SSU72: variants seen among roughly 807,000 people sequenced by gnomAD.
SSU72 encodes the protein SSU72 homolog, RNA polymerase II CTD phosphatase.
In SSU72, 12 loss-of-function variants were observed where a neutral mutation model predicts 22.7. That is an observed-to-expected ratio of 0.53 (90% confidence interval 0.34 to 0.86). SSU72 has a LOEUF of 0.86. Ranked by LOEUF, SSU72 falls within the 40% of genes least tolerant of loss-of-function variation. SSU72 has a pLI of 0.02. For missense variants in SSU72, 151 were observed against 249.8 expected (o/e 0.60, Z 2.67); for synonymous variants, 116 against 98.3 (o/e 1.18, Z -1.06).
chr1:1,549,082 C>G (rs77658544), intron 2 of SSU72, among the ~76,000 whole-genome samples: 7,804 of 152,224 alleles, frequency 0.051, 370 homozygotes, highest in Admixed American at 0.17. Context: ...CCAGAGAGAT[C>G]TGGAATATTG....
At chr1:1,551,603 C>T (rs1392434643) in intron 2 of SSU72, among the ~76,000 whole-genome samples, 6 of 152,254 alleles carry the variant, frequency 3.9e-5, no homozygotes, top group Non-Finnish European at 7.3e-5. Flanking sequence ...GGAGGCCTGA[C>T]AGCTGCTGCA....
At position 1,574,559 on chromosome 1, in the gene SSU72, G is replaced by C. The variant is rs1002535101; in HGVS notation, c.-2C>G. ...CACCCGCAGCGGGGACGACGGCATG[G>C]CGGCGGCCGCAAATCCCGCGGCTCT... On this transcript the variant is annotated 5_prime_UTR_variant, in exon 1 of 5. Coordinates refer to ENST00000291386, the MANE Select transcript of SSU72 (RefSeq NM_014188.3). 4.4e-6 allele frequency: 7 copies of C among 1,584,774 alleles called. No individual in the cohort carries two copies. The African/African-American group carries it at 9.8e-5, about 22-fold the overall frequency.
chr1:1,555,312 T>TCGG (rs1642509229), intron 2 of SSU72, among the ~76,000 whole-genome samples: 1 of 152,178 alleles, frequency 6.6e-6, no homozygotes, highest in South Asian at 2.1e-4. Context: ...TGAGACAGCC[T>TCGG]CGGCGGCGCT....
intron 2 of SSU72, among the ~76,000 whole-genome samples, chr1:1,558,752 G>C (rs10158997): frequency 6.6e-5 from 10 of 152,108 alleles, no homozygotes; most frequent in Non-Finnish European, 1.2e-4. Context: ...GCCGGTGTCT[G>C]CCACCCCAGC....
rs556231921 is a variant in SSU72, at chr1:1,566,020, G to A, written c.81-1104C>T. On this transcript the variant is annotated intron_variant, in intron 1 of 4. Transcript: ENST00000291386. The stretch of plus-strand genomic sequence containing the variant: ...ACCTTCAATCCAGGCACTTTGGGAG[G>A]CCGAGACAAATGGATCACCTGAGGC... Among the ~76,000 whole-genome samples, 5 of 152,196 alleles carry A rather than the reference G, an allele frequency of 3.3e-5. No homozygotes were observed. The East Asian group carries it at 7.7e-4, about 24-fold the overall frequency.
intron 2 of SSU72, among the ~76,000 whole-genome samples, chr1:1,555,166 G>C (rs1372288395): frequency 1.3e-5 from 2 of 152,144 alleles, no homozygotes; most frequent in Non-Finnish European, 2.9e-5. Context: ...CACACACACA[G>C]AAGACTCCCC....
chr1:1,574,584 TC>T lies in SSU72; in HGVS notation c.-28del. The T allele has an allele frequency of 6.3e-7, 1 of 1,576,116 alleles. No individual in the cohort carries two copies. ...GCGGCGGCCGCAAATCCCGCGGCTC[TC>T]CCGCTTGGGTTCCCACCCTACCGCG... is the stretch of plus-strand genomic sequence containing the variant. On this transcript the variant is annotated 5_prime_UTR_variant, in exon 1 of 5. Transcript: ENST00000291386.
At chr1:1,567,719 A>C (rs7364711) in intron 1 of SSU72, among the ~76,000 whole-genome samples, 77,899 of 151,334 alleles carry the variant, frequency 0.51, 24,318 homozygotes, top group East Asian at 0.87. Context: ...GAGTTCGACA[A>C]CAGCCTGGCC....
chr1:1,544,151 G>A (rs1321370183), intron 3 of SSU72, among the ~76,000 whole-genome samples, 164 bp from the exon 4 acceptor site: 1 of 152,192 alleles, frequency 6.6e-6, no homozygotes, highest in African/African-American at 2.4e-5. Context: ...CAAACCGAAG[G>A]CGGCTGATGG....
intron 1 of SSU72, among the ~76,000 whole-genome samples, chr1:1,565,745 T>C (rs1642653944): frequency 3.5e-5 from 2 of 57,968 alleles, no homozygotes; most frequent in South Asian, 2.0e-3. Context: ...TTGGACTTCC[T>C]AGTCACAGGT....
chr1:1,573,455 AAG>A (rs1256636626), intron 1 of SSU72, among the ~76,000 whole-genome samples: 2 of 139,248 alleles, frequency 1.4e-5, no homozygotes, highest in Admixed American at 7.2e-5. Context: ...AAAAAAAAAA[AAG>A]AAAGAAAAGA....
chr1:1,551,091 A>C (rs1026273311), intron 2 of SSU72, among the ~76,000 whole-genome samples: 7 of 152,074 alleles, frequency 4.6e-5, no homozygotes, highest in African/African-American at 1.7e-4. Flanking sequence ...GGGACCTTCC[A>C]TGTGGGTTAA....
intron 2 of SSU72, among the ~76,000 whole-genome samples, chr1:1,553,912 G>C (rs752427909): frequency 2.0e-5 from 3 of 152,176 alleles, no homozygotes; most frequent in African/African-American, 7.2e-5. Context: ...GAAAAAAACG[G>C]AGGATAAAGA....
intron 1 of SSU72, among the ~76,000 whole-genome samples, chr1:1,567,035 G>A (rs1041897369): frequency 1.3e-5 from 2 of 152,134 alleles, no homozygotes; most frequent in Non-Finnish European, 2.9e-5. Flanking sequence ...CCCGCCCTAC[G>A]GACATACACG....
intron 2 of SSU72, chr1:1,564,353 A>T (rs1384180146): frequency 9.4e-6 from 9 of 953,430 alleles, no homozygotes; most frequent in Non-Finnish European, 1.3e-5. Context: ...ACCTCACCAG[A>T]TGTGTGAAGC....
At position 1,574,733 on chromosome 1, in the gene SSU72, G is replaced by T; in HGVS notation, c.-176C>A. The T allele has an allele frequency of 2.2e-6, 1 of 458,998 alleles. No individual in the cohort carries two copies. Among genetic ancestry groups the T allele is most frequent in the Non-Finnish European group, 3.5e-6 (1 of 288,416 alleles). 28.4% of individuals were successfully genotyped at this position (458,998 alleles called of 1,614,324 possible). On this transcript the variant is annotated 5_prime_UTR_variant, in exon 1 of 5. Transcript: ENST00000291386. Reference sequence around the variant, plus strand: ...CCTCCCCGCCCACCCTGGGCGCCGGGCCGCGGACGGAGCGCAGGCACTGGC... The same window carrying T: ...CCTCCCCGCCCACCCTGGGCGCCGGTCCGCGGACGGAGCGCAGGCACTGGC...
intron 1 of SSU72, among the ~76,000 whole-genome samples, chr1:1,573,742 A>G (rs778066918): frequency 6.6e-6 from 1 of 152,210 alleles, no homozygotes; most frequent in Non-Finnish European, 1.5e-5. Context: ...CACGTAGGTA[A>G]CTTTGGAGGT....
chr1:1,568,699 C>T (rs889495329), intron 1 of SSU72, among the ~76,000 whole-genome samples: 5 of 151,704 alleles, frequency 3.3e-5, no homozygotes, highest in South Asian at 2.1e-4. Flanking sequence ...CGGAGGAGGA[C>T]GGATCACTTG....
At chr1:1,559,827 A>T (rs971071697) in intron 2 of SSU72, among the ~76,000 whole-genome samples, 1 of 152,138 alleles carries the variant, frequency 6.6e-6, no homozygotes, top group Non-Finnish European at 1.5e-5. Context: ...CCCAGGTTCA[A>T]GTGATTCTCC....
Sources: gnomAD v4.1 joint callset for allele counts (sites outside exome capture counted in the v4.1 genomes callset) on GRCh38, gnomAD v4.1.1 for gene constraint, MANE v1.5 for transcripts, NCBI Gene and HGNC (gene_info 2026-07-23, HGNC 2026-07-21) for gene names.